The following SON variants were observed in gnomAD, a reference collection of about 807,000 sequenced individuals.
SON encodes the protein SON DNA and RNA binding protein, also known as protein SON.
SON carries 4 observed loss-of-function variants against 173.3 expected under a neutral mutation model. The observed-to-expected ratio is 0.02, with a 90% CI of 0.01 to 0.05. The LOEUF (loss-of-function observed/expected upper bound fraction) is 0.05, where lower values mean the gene tolerates loss of function less well. Among genes scored for constraint, SON ranks in the 10% least tolerant of loss-of-function variants. SON has a pLI of 1.00. For missense variants in SON, 2,626 were observed against 3,055.3 expected, an observed-to-expected ratio of 0.86 and a Z score of 3.31; for synonymous variants, 1,190 against 1,105.9, an observed-to-expected ratio of 1.08 and a Z score of -1.51.
chr21:33,559,513 T>G lies in SON; in HGVS notation c.6469-74T>G. 2 of 1,478,450 alleles carry G rather than the reference T, an allele frequency of 1.4e-6. No individual in the cohort carries two copies. The highest frequency in any genetic ancestry group is 1.8e-6 in the Non-Finnish European group (2 of 1,091,012). 91.6% of individuals were successfully genotyped at this position (1,478,450 alleles called of 1,614,324 possible). On this transcript the variant is annotated intron_variant, in intron 5 of 11. Transcript: ENST00000356577. The surrounding 1 kb of genome is among the most constrained non-coding windows in gnomAD (Gnocchi z 4.1). ...AATGGATAATATCATTTCCTTCAGA[T>G]TATGTAGAAAATCTCAAACCATTTA...
intron 3 of SON, 119 bp downstream of exon 3, chr21:33,555,510 T>G: frequency 1.0e-6 from 1 of 964,218 alleles, no homozygotes; most frequent in Non-Finnish European, 1.4e-6. Context: ...GTTTCTGTCT[T>G]TAAGTTTTTA....
rs918701841 is a variant in SON, at chr21:33,550,917, G to A, written c.1686G>A (p.Gly562=). The A allele has an allele frequency of 4.4e-6, 7 of 1,607,460 alleles. No individual in the cohort carries two copies. Among genetic ancestry groups the A allele is most frequent in the Non-Finnish European group, 6.0e-6 (7 of 1,175,128 alleles). The change falls in exon 3 of 12, where the codon GGG becomes GGA. Residue 562 remains glycine, a synonymous_variant. Coordinates refer to ENST00000356577, the MANE Select transcript of SON (RefSeq NM_138927.4). ...PVATTALELP[G]QPSVTGVPEL... The stretch of plus-strand genomic sequence containing the variant: ...CAACGACAGCGCTGGAGTTGCCGGG[G>A]CAGCCTTCGGTGACTGGGGTGCCAG...
chr21:33,575,524 G>C (rs2086380269), intron 9 of SON, 72 bp from the exon 10 acceptor site: 1 of 1,073,598 alleles, frequency 9.3e-7, no homozygotes, highest in Non-Finnish European at 1.4e-6. Flanking sequence ...TTGAGGTTCA[G>C]ACTCCTACAG....
Position 33,549,834 on chromosome 21 carries a change from C to T in SON, c.603C>T (p.Ile201=), listed in dbSNP as rs2085715956. The change falls in exon 3 of 12, where the codon ATC becomes ATT. Residue 201 remains isoleucine, a synonymous_variant. Transcript: ENST00000356577. ...CAATGGAGGTATCAGAGCCACACAT[C>T]TTAGAAACTCTGAAGCCAGCTACAA... ...VVSMEVSEPH[I]LETLKPATKT... is the part of the protein sequence containing the mutation. 2 of 1,614,094 alleles carry T rather than the reference C, an allele frequency of 1.2e-6. No individual in the cohort carries two copies. The highest frequency in any genetic ancestry group is 1.3e-5 in the African/African-American group (1 of 74,940).
Position 33,561,371 on chromosome 21 carries a change from C to G in SON, c.6657+1596C>G, listed in dbSNP as rs140029473. 1.6e-3 allele frequency among the ~76,000 whole-genome samples: 237 copies of G among 152,218 alleles called. 1 individual carries two copies. Among genetic ancestry groups the G allele is most frequent in the Middle Eastern group, 6.8e-3 (2 of 294 alleles). On this transcript the variant is annotated intron_variant, in intron 6 of 11. Coordinates refer to ENST00000356577, the MANE Select transcript of SON (RefSeq NM_138927.4). Reference sequence around the variant, plus strand: ...TAGAAACCATGATAAGAGGGTTGAACAGGCTTACTTAGAAATCCTAATATG... The same window carrying G: ...TAGAAACCATGATAAGAGGGTTGAAGAGGCTTACTTAGAAATCCTAATATG...
intron 6 of SON, among the ~76,000 whole-genome samples, chr21:33,565,395 A>G (rs2086148021): frequency 6.6e-6 from 1 of 152,210 alleles, no homozygotes; most frequent in African/African-American, 2.4e-5. Context: ...TAGGAAAAGC[A>G]AAGTAAGTGT....
Position 33,555,223 on chromosome 21 carries a change from C to T in SON, c.5992C>T (p.Arg1998Trp), listed in dbSNP as rs752248601. The T allele has an allele frequency of 5.0e-6, 8 of 1,604,506 alleles. No homozygotes were observed. The highest frequency in any genetic ancestry group is 2.2e-5 in the South Asian group (2 of 90,160). The change falls in exon 3 of 12, where the codon CGG (arginine) becomes TGG (tryptophan). Residue 1998 changes from arginine to tryptophan, a missense_variant. Transcript: ENST00000356577. ...PSRRSRTPSR[R>W]RRSRSVVRRR... ...CCGTCGGAGCCGCACCCCAAGCCGC[C>T]GGAGAAGATCAAGGTCTGTGGTAAG... is the stretch of plus-strand genomic sequence containing the variant.
intron 6 of SON, among the ~76,000 whole-genome samples, chr21:33,561,743 T>G (rs978203373): frequency 4.6e-5 from 7 of 152,168 alleles, no homozygotes; most frequent in Non-Finnish European, 8.8e-5. Context: ...CAGATTTTAA[T>G]TAAAGGTTGA....
In SON at chr21:33,551,115, G is replaced by A. The variant is rs2085769854; in HGVS notation, c.1884G>A (p.Gly628=). Residue 628 remains glycine, a synonymous_variant, in exon 3 of 12, where the codon GGG becomes GGA. Transcript: ENST00000356577. ...TTTTGGGGCAGCCTCTGGCAACAGG[G>A]GTGCTGGAGTTGCCAGGGCAGCCTG... ...LELLGQPLAT[G]VLELPGQPGA... 2 of 1,612,902 alleles carry A rather than the reference G, an allele frequency of 1.2e-6. No homozygotes were observed. Among genetic ancestry groups the A allele is most frequent in the African/African-American group, 1.3e-5 (1 of 74,832 alleles).
rs1433843091 is a variant in SON, at chr21:33,553,699, T to A, written c.4468T>A (p.Ser1490Thr). Residue 1490 changes from serine to threonine, a missense_variant, in exon 3 of 12, where the codon TCC (serine) becomes ACC (threonine). This residue lies in a region of SON where 1,006 missense variants were observed against 895.6 expected (regional missense o/e 1.12). Coordinates refer to ENST00000356577, the MANE Select transcript of SON (RefSeq NM_138927.4). ...SSHVMKGINL[S>T]SGDQNLAPEI... ...ACATGTTATGAAAGGAATTAATCTATCCTCTGGTGATCAAAATCTTGCTCC... is the reference window on the plus strand; with the variant it reads ...ACATGTTATGAAAGGAATTAATCTAACCTCTGGTGATCAAAATCTTGCTCC... 2 of 1,613,876 alleles carry A rather than the reference T, an allele frequency of 1.2e-6. No homozygotes were observed. Among genetic ancestry groups the A allele is most frequent in the Non-Finnish European group, 1.7e-6 (2 of 1,180,002 alleles).
In SON at chr21:33,549,535, G is replaced by A. The variant is rs1157127543; in HGVS notation, c.304G>A (p.Glu102Lys). 2.4e-5 allele frequency: 38 copies of A among 1,581,132 alleles called. No homozygotes were observed. The highest frequency in any genetic ancestry group is 3.2e-5 in the Non-Finnish European group (37 of 1,170,796). The part of the protein sequence containing the change: ...CVSVQTDPTD[E>K]IPTKKSKKHK... The stretch of plus-strand genomic sequence containing the variant: ...ATCTGTACAAACAGATCCTACTGAT[G>A]AAATTCCCACTAAAAAGTCAAAGAA... The change falls in exon 3 of 12, where the codon GAA (glutamate) becomes AAA (lysine). Residue 102 changes from glutamate to lysine, a missense_variant. Glu to Lys is a moderately conservative substitution (Grantham distance 56). Around this residue, in one of 13 missense-constraint regions of SON, gnomAD observed 757 missense variants for 730.1 expected, o/e 1.04. Transcript: ENST00000356577.
At chr21:33,569,681 T>A (rs1368131000) in intron 8 of SON, 1 of 442,874 alleles carries the variant, frequency 2.3e-6, no homozygotes, top group African/African-American at 2.1e-5. Context: ...AGCAAGTGGT[T>A]GGGAGGCCCT....
chr21:33,545,980 A>G (rs569665458), intron 1 of SON, among the ~76,000 whole-genome samples: 13 of 152,384 alleles, frequency 8.5e-5, no homozygotes, highest in African/African-American at 3.1e-4. Flanking sequence ...GAGTGTACTT[A>G]GAAACCTGTT....
At position 33,553,642 on chromosome 21, in the gene SON, C is replaced by G; in HGVS notation, c.4411C>G (p.Pro1471Ala). ...IPTEVAIEST[P>A]MILESSIMSS... is the part of the protein sequence containing the mutation. ...AACTGAGGTGGCTATAGAGTCCACA[C>G]CAATGATACTGGAATCTAGTATCAT... Residue 1471 changes from proline (P) to alanine (A), a missense_variant, in exon 3 of 12, where the codon CCA (proline) becomes GCA (alanine). Coordinates refer to ENST00000356577, the MANE Select transcript of SON (RefSeq NM_138927.4). 1 of 1,613,622 alleles carries G rather than the reference C, an allele frequency of 6.2e-7. No individual in the cohort carries two copies. Among genetic ancestry groups the G allele is most frequent in the Non-Finnish European group, 8.5e-7 (1 of 1,179,698 alleles).
intron 6 of SON, among the ~76,000 whole-genome samples, chr21:33,565,724 C>T (rs1472654879): frequency 6.6e-6 from 1 of 152,166 alleles, no homozygotes; most frequent in Non-Finnish European, 1.5e-5. Flanking sequence ...AAGATGCATT[C>T]TGCAGTTGAT....
rs550454473 is a variant in SON, at chr21:33,553,329, C to A, written c.4098C>A (p.Thr1366=). The A allele has an allele frequency of 6.2e-7, 1 of 1,601,710 alleles. No individual in the cohort carries two copies. Among genetic ancestry groups the A allele is most frequent in the Non-Finnish European group, 8.5e-7 (1 of 1,171,874 alleles). The change falls in exon 3 of 12, where the codon ACC becomes ACA. Residue 1366 remains threonine (T), a synonymous_variant. Transcript: ENST00000356577. ...CTGTCCTGGAGTCTTCGGCTGTGACCGTCCTGGAGTCTTCGACTGTGACTG... is the reference window on the plus strand; with the variant it reads ...CTGTCCTGGAGTCTTCGGCTGTGACAGTCCTGGAGTCTTCGACTGTGACTG... ...AMAVLESSAV[T]VLESSTVTVL... is the part of the protein sequence containing the mutation.
rs775747867 is a variant in SON at position 33,555,089 on chromosome 21, C to T, written c.5858C>T (p.Pro1953Leu). The change falls in exon 3 of 12, where the codon CCA (proline) becomes CTA (leucine). Residue 1953 changes from proline (P) to leucine (L), a missense_variant. Pro to Leu is a moderately conservative substitution (Grantham distance 98, BLOSUM62 -3). This residue lies in a region of SON where 138 missense variants were observed against 222.9 expected (regional missense o/e 0.62). Coordinates refer to ENST00000356577, the MANE Select transcript of SON (RefSeq NM_138927.4). ...AGAAGAAGGAGCTTTAGCATTTCCC[C>T]AAGCCGCCGCAGCCGCACCCCCAGC... Reference protein sequence around the residue: ...VGRRRSFSISPSRRSRTPSRR... With the variant: ...VGRRRSFSISLSRRSRTPSRR... The T allele has an allele frequency of 2.5e-6, 4 of 1,587,954 alleles. No individual in the cohort carries two copies. Among genetic ancestry groups the T allele is most frequent in the African/African-American group, 2.7e-5 (2 of 73,270 alleles).
In SON at chr21:33,551,270, C is replaced by T. The variant is rs2085776051; in HGVS notation, c.2039C>T (p.Ala680Val). 7 of 1,614,134 alleles carry T rather than the reference C, an allele frequency of 4.3e-6. No individual in the cohort carries two copies. Among genetic ancestry groups the T allele is most frequent in the Middle Eastern group, 1.6e-4 (1 of 6,062 alleles). The change falls in exon 3 of 12, where the codon GCG (alanine) becomes GTG (valine). Residue 680 changes from alanine to valine, a missense_variant. Ala to Val is a moderately conservative substitution (Grantham distance 64). Coordinates refer to ENST00000356577, the MANE Select transcript of SON (RefSeq NM_138927.4). ...SQSLEVPSTT[A>V]LESYNTVAQE... ...TCCCTGGAGGTGCCCTCGACGACAG[C>T]GCTGGAATCCTATAATACGGTAGCA...
intron 6 of SON, among the ~76,000 whole-genome samples, chr21:33,562,176 T>C (rs1018390820): frequency 2.0e-5 from 3 of 152,100 alleles, no homozygotes; most frequent in African/African-American, 7.2e-5. Context: ...TATACTATAT[T>C]GTATATATAG....
Sources: gnomAD v4.1 joint callset for allele counts (sites outside exome capture counted in the v4.1 genomes callset) on GRCh38, gnomAD v4.1.1 for gene constraint, gnomAD v4.1.1 regional missense constraint, Gnocchi (gnomAD v3.1) non-coding constraint, MANE v1.5 for transcripts, NCBI Gene and HGNC (gene_info 2026-07-23, HGNC 2026-07-21) for gene names.